The following REV1 variants were observed in gnomAD, a reference collection of about 807,000 sequenced individuals.
The protein encoded by REV1 is REV1 DNA directed polymerase.
A neutral mutation model predicts 137.4 loss-of-function variants in REV1; 42 were observed. The ratio of observed to expected loss-of-function variants is 0.31; its 90% CI spans 0.24 to 0.40. The LOEUF (loss-of-function observed/expected upper bound fraction) is 0.40. REV1 is among the 10% of genes least tolerant of loss of function. The pLI is 1.00. For synonymous variants in REV1, 524 were observed against 519.2 expected, an observed-to-expected ratio of 1.01 and a Z score of -0.12; for missense variants, 1,282 against 1,490.1, an observed-to-expected ratio of 0.86 and a Z score of 2.30.
At chr2:99,459,536 T>C (rs1683934802) in intron 3 of REV1, among the ~76,000 whole-genome samples, 1 of 152,020 alleles carries the variant, frequency 6.6e-6, no homozygotes, top group Non-Finnish European at 1.5e-5. Flanking sequence ...CAAGACCTTG[T>C]CTCTACAAAA....
In REV1 at chr2:99,482,365, C is replaced by T. The variant is rs372345793; in HGVS notation, c.-11+7452G>A. Among the ~76,000 whole-genome samples the T allele has an allele frequency of 2.6e-5, 4 of 152,320 alleles. No homozygotes were observed. In the East Asian group the frequency reaches 5.8e-4, roughly 22 times the overall value. On this transcript the variant is annotated intron_variant, in intron 1 of 22. Transcript: ENST00000258428. The stretch of plus-strand genomic sequence containing the variant: ...ATCATAACTGTAATTCCAAGAACAG[C>T]ACTTTCCTGAGGTCTGCGAGTCATT...
intron 1 of REV1, among the ~76,000 whole-genome samples, chr2:99,479,779 A>AAAT (rs60339972): frequency 1.8e-3 from 277 of 150,014 alleles, no homozygotes; most frequent in East Asian, 0.011. Flanking sequence ...AAAAAAGTAA[A>AAAT]AATAATAATA....
At chr2:99,426,609 A>C (rs1679408187) in intron 9 of REV1, among the ~76,000 whole-genome samples, 1 of 152,164 alleles carries the variant, frequency 6.6e-6, no homozygotes, top group African/African-American at 2.4e-5. Context: ...ATACTAAGGG[A>C]AGCCAAATAC....
At chr2:99,467,718 C>G (rs1684964267) in intron 1 of REV1, among the ~76,000 whole-genome samples, 1 of 152,194 alleles carries the variant, frequency 6.6e-6, no homozygotes, top group African/African-American at 2.4e-5. Context: ...TTTGCAGAAA[C>G]TGTATTCATT....
chr2:99,401,478 G>A, intron 22 of REV1, 126 bp from the exon 23 acceptor site: 1 of 571,818 alleles, frequency 1.7e-6, no homozygotes, highest in South Asian at 2.4e-5. Flanking sequence ...GGTGCGGTGT[G>A]GCTCATGCCT....
intron 9 of REV1, among the ~76,000 whole-genome samples, chr2:99,426,544 G>T (rs902824481): frequency 1.3e-5 from 2 of 152,114 alleles, no homozygotes; most frequent in African/African-American, 4.8e-5. Context: ...ACACTATAAG[G>T]AAGTTACAAA....
intron 3 of REV1, among the ~76,000 whole-genome samples, chr2:99,453,347 G>C (rs1306250346): frequency 1.4e-5 from 2 of 140,804 alleles, no homozygotes; most frequent in East Asian, 2.1e-4. Context: ...AACAGAGCAA[G>C]ACTGTCTCAA....
intron 1 of REV1, among the ~76,000 whole-genome samples, chr2:99,477,937 T>C (rs970525582): frequency 2.0e-5 from 3 of 152,148 alleles, no homozygotes; most frequent in African/African-American, 4.8e-5. Flanking sequence ...ACTGTTTTAA[T>C]AAAGTACCTA....
chr2:99,462,266 T>C (rs1243502130), intron 3 of REV1, among the ~76,000 whole-genome samples: 2 of 152,210 alleles, frequency 1.3e-5, no homozygotes, highest in Non-Finnish European at 2.9e-5. Flanking sequence ...GTTTTTCATT[T>C]TAAACCTCAC....
chr2:99,421,776 T>C (rs1299592013), intron 10 of REV1, 123 bp from the exon 11 acceptor site: 2 of 1,046,336 alleles, frequency 1.9e-6, no homozygotes, highest in African/African-American at 3.2e-5. Context: ...TTTAAATGAA[T>C]TGGCTGAAGT....
intron 1 of REV1, among the ~76,000 whole-genome samples, chr2:99,478,757 C>T (rs6737560): frequency 0.43 from 65,415 of 152,024 alleles, 14,316 homozygotes; most frequent in Admixed American, 0.58. Flanking sequence ...TGTTAAAACA[C>T]AAGATGCTGG....
chr2:99,456,356 A>T (rs1575161736), intron 3 of REV1, among the ~76,000 whole-genome samples: 1 of 152,360 alleles, frequency 6.6e-6, no homozygotes, highest in Non-Finnish European at 1.5e-5. Context: ...GGAGACAAAA[A>T]TAAGTCATGC....
chr2:99,425,206 C>T (rs1234147600), intron 9 of REV1, among the ~76,000 whole-genome samples: 1 of 152,034 alleles, frequency 6.6e-6, no homozygotes, highest in Non-Finnish European at 1.5e-5. Context: ...CAAACAGTTG[C>T]CAATTACTCA....
Position 99,457,497 on chromosome 2 carries a change from C to T in REV1, c.181+4999G>A, listed in dbSNP as rs1356281770. On this transcript the variant is annotated intron_variant, in intron 3 of 22. Transcript: ENST00000258428. ...AGGAGTTCGAGACCAGCCTGGCCAA[C>T]ATGGCGAAACCCCATCTCTACTAAA... Among the ~76,000 whole-genome samples the T allele has an allele frequency of 2.0e-5, 3 of 152,142 alleles. 1 individual carries two copies. In the South Asian group the frequency reaches 6.2e-4, roughly 32 times the overall value.
rs1365489528 is a variant in REV1 at position 99,443,043 on chromosome 2, AC to A, written c.351-575del. 2.0e-5 allele frequency among the ~76,000 whole-genome samples: 3 copies of A among 152,198 alleles called. No individual in the cohort carries two copies. The East Asian group carries it at 5.8e-4, about 29-fold the overall frequency. ...TGTTCTAACGCTAGGTGGTACTAGCACTGTAACTGAAGTTCCCAAATGTCTG... is the reference window on the plus strand; with the variant it reads ...TGTTCTAACGCTAGGTGGTACTAGCATGTAACTGAAGTTCCCAAATGTCTG... On this transcript the variant is annotated intron_variant, in intron 4 of 22. Coordinates refer to ENST00000258428, the MANE Select transcript of REV1 (RefSeq NM_016316.4).
intron 12 of REV1, among the ~76,000 whole-genome samples, chr2:99,417,973 CACTA>C (rs752045307): frequency 6.6e-6 from 1 of 152,158 alleles, no homozygotes; most frequent in African/African-American, 2.4e-5. Context: ...ACATTTCTGA[CACTA>C]ATACATCGTT....
At chr2:99,461,514 G>A (rs1293444901) in intron 3 of REV1, among the ~76,000 whole-genome samples, 1 of 152,214 alleles carries the variant, frequency 6.6e-6, no homozygotes, top group African/African-American at 2.4e-5. Flanking sequence ...GAGGCATGGA[G>A]ACCTGAAAGA....
At chr2:99,418,719 T>A (rs1217780300) in intron 12 of REV1, 109 bp downstream of exon 12, 2 of 1,041,450 alleles carry the variant, frequency 1.9e-6, no homozygotes, top group Non-Finnish European at 2.7e-6. Flanking sequence ...GACTTAAAAA[T>A]TTTTATATTC....
Position 99,439,134 on chromosome 2 carries a change from C to T in REV1, c.680G>A (p.Gly227Glu). The part of the protein sequence containing the change: ...HPRGSTAIFN[G>E]HTPSSNGALK... ...GGCACCATTAGAGCTAGGAGTGTGT[C>T]CATTAAAAATGGCAGTGCTCCCTCT... Residue 227 changes from glycine to glutamate, a missense_variant, in exon 6 of 23, where the codon GGA becomes GAA. Physicochemically the swap from Gly to Glu is moderately conservative, Grantham distance 98. Around this residue, in one of 7 missense-constraint regions of REV1, gnomAD observed 432 missense variants for 438.0 expected, o/e 0.99. Transcript: ENST00000258428. The T allele has an allele frequency of 1.2e-6, 2 of 1,614,122 alleles. No individual in the cohort carries two copies. The highest frequency in any genetic ancestry group is 4.5e-5 in the East Asian group (2 of 44,880).
Sources: allele counts gnomAD v4.1 joint callset (sites outside exome capture counted in the v4.1 genomes callset), GRCh38; gene constraint gnomAD v4.1.1; regional missense constraint gnomAD v4.1.1; transcripts MANE v1.5; gene names NCBI Gene and HGNC (gene_info 2026-07-23, HGNC 2026-07-21).